The following MTF2 variants were observed in gnomAD, a reference collection of about 807,000 sequenced individuals.
MTF2 encodes the protein metal response element binding transcription factor 2.
MTF2 carries 11 observed loss-of-function variants against 79.5 expected under a neutral mutation model. The observed-to-expected ratio is 0.14, with a 90% CI of 0.09 to 0.23. The LOEUF is 0.23. MTF2 is among the 10% of genes least tolerant of loss of function. The probability of loss-of-function intolerance (pLI) is 1.00; values close to 1 mark genes in which losing one functional copy is unlikely to be tolerated. For synonymous variants in MTF2, 208 were observed against 232.8 expected (o/e 0.89, Z 0.97); for missense variants, 486 against 711.2 (o/e 0.68, Z 3.60).
chr1:93,087,400 C>A (rs1333473088), intron 1 of MTF2, among the ~76,000 whole-genome samples: 1 of 152,130 alleles, frequency 6.6e-6, no homozygotes, highest in Non-Finnish European at 1.5e-5. Context: ...GGTAAAACCC[C>A]ATCTCTACTA....
At chr1:93,114,646 T>C (rs777677097) in intron 3 of MTF2, 42 bp from the exon 4 acceptor site, 3 of 1,510,992 alleles carry the variant, frequency 2.0e-6, no homozygotes, top group Middle Eastern at 1.8e-4. Flanking sequence ...TTTTATGGAA[T>C]TTTTTATGAC....
intron 1 of MTF2, among the ~76,000 whole-genome samples, chr1:93,081,467 G>A (rs1201410257): frequency 2.6e-5 from 4 of 152,194 alleles, no homozygotes; most frequent in Non-Finnish European, 5.9e-5. Flanking sequence ...ACCAACATCT[G>A]TAGCTTGATG....
chr1:93,137,203 T>A lies in MTF2; in HGVS notation c.*176T>A. ...CCTGTCAATGTTATGGATATTGTCA[T>A]AAAAAGGTATCTTTTAAAAATCAGA... On this transcript the variant is annotated 3_prime_UTR_variant, in exon 15 of 15. Transcript: ENST00000370298. 2.1e-6 allele frequency: 1 copy of A among 481,738 alleles called. No homozygotes were observed. 29.8% of individuals were successfully genotyped at this position (481,738 alleles called of 1,614,324 possible).
chr1:93,102,609 C>G (rs1461087974), intron 1 of MTF2, among the ~76,000 whole-genome samples: 1 of 151,458 alleles, frequency 6.6e-6, no homozygotes, highest in African/African-American at 2.4e-5. Context: ...AAATTGTTAA[C>G]AAACCTATGA....
intron 1 of MTF2, among the ~76,000 whole-genome samples, chr1:93,087,666 G>T (rs2815424): frequency 0.8 from 122,022 of 152,076 alleles, 51,671 homozygotes; most frequent in East Asian, 0.93. Flanking sequence ...TCATTCACCA[G>T]TTGCTAAATC....
chr1:93,088,067 C>G (rs1197496987), intron 1 of MTF2, among the ~76,000 whole-genome samples: 1 of 152,052 alleles, frequency 6.6e-6, no homozygotes, highest in African/African-American at 2.4e-5. Flanking sequence ...TTTTAAAACT[C>G]TAGGGTATAG....
chr1:93,129,483 AG>A, intron 11 of MTF2, 35 bp downstream of exon 11: 7 of 1,434,706 alleles, frequency 4.9e-6, no homozygotes, highest in Non-Finnish European at 6.5e-6. Flanking sequence ...TTTTCTCTTT[AG>A]CTTATTTGTA....
At chr1:93,123,260 C>T (rs1656560311) in intron 9 of MTF2, among the ~76,000 whole-genome samples, 3 of 101,866 alleles carry the variant, frequency 2.9e-5, no homozygotes, top group South Asian at 3.1e-4. Context: ...GTCTCTCTCT[C>T]TCTTTTTTTT....
intron 1 of MTF2, among the ~76,000 whole-genome samples, chr1:93,095,655 C>CTTTTT (rs111973268): frequency 1.7e-5 from 2 of 118,746 alleles, no homozygotes. Context: ...TTTCTCTGTT[C>CTTTTT]TTTTTTTTTT....
intron 3 of MTF2, among the ~76,000 whole-genome samples, chr1:93,114,252 C>T (rs1237046053): frequency 6.6e-6 from 1 of 152,104 alleles, no homozygotes; most frequent in Admixed American, 6.5e-5. Flanking sequence ...TACTTATCTT[C>T]CTTACTTTTT....
intron 8 of MTF2, 87 bp from the exon 9 acceptor site, chr1:93,120,460 ATT>A (rs1278296466): frequency 9.6e-6 from 12 of 1,247,498 alleles, no homozygotes; most frequent in Non-Finnish European, 1.3e-5. Context: ...TTCTCTTTGC[ATT>A]TTAATTACTG....
intron 1 of MTF2, among the ~76,000 whole-genome samples, chr1:93,080,273 A>C (rs1175208794): frequency 6.6e-6 from 1 of 152,208 alleles, no homozygotes; most frequent in Non-Finnish European, 1.5e-5. Flanking sequence ...TGAGGTAATT[A>C]CGGCTCAAGG....
chr1:93,079,286 C>T lies in MTF2; in HGVS notation c.-241C>T, dbSNP rs1654492853. On this transcript the variant is annotated 5_prime_UTR_variant, in exon 1 of 15. Transcript: ENST00000370298. ...CGCGCTCCCAGAATGCACCGGCAGT[C>T]CGCGGGAAACCAAAATGGCGAGGGG... The T allele has an allele frequency of 3.6e-6, 2 of 554,998 alleles. No individual in the cohort carries two copies. 34.4% of individuals were successfully genotyped at this position (554,998 alleles called of 1,614,324 possible). A position where few individuals can be genotyped will look rare whatever the true frequency, so the allele number is the denominator to read the frequency against.
chr1:93,098,521 A>C (rs922387469), intron 1 of MTF2, among the ~76,000 whole-genome samples: 1 of 152,206 alleles, frequency 6.6e-6, no homozygotes, highest in East Asian at 1.9e-4. Flanking sequence ...CATTGAGTTT[A>C]AATACAATAA....
At chr1:93,122,744 A>C (rs1409645571) in intron 9 of MTF2, among the ~76,000 whole-genome samples, 1 of 152,178 alleles carries the variant, frequency 6.6e-6, no homozygotes. Context: ...TAGATGAGAC[A>C]TCTCATTCAC....
chr1:93,123,336 T>G (rs1407061521), intron 9 of MTF2, among the ~76,000 whole-genome samples: 1 of 151,404 alleles, frequency 6.6e-6, no homozygotes, highest in African/African-American at 2.4e-5. Flanking sequence ...ACTGAAGCCT[T>G]GAACTCCTGA....
In MTF2 at chr1:93,129,352, C is replaced by A. The variant is rs1217369650; in HGVS notation, c.1064C>A (p.Pro355Gln). 1.3e-6 allele frequency: 2 copies of A among 1,595,414 alleles called. No individual in the cohort carries two copies. The highest frequency in any genetic ancestry group is 1.7e-6 in the Non-Finnish European group (2 of 1,167,380). ...GLRIRVPPVPPNVAFKAEKEP... is the reference protein window; with the variant it reads ...GLRIRVPPVPQNVAFKAEKEP... The stretch of plus-strand genomic sequence containing the variant: ...CGAATTCGTGTTCCTCCTGTGCCAC[C>A]AAATGTGGCTTTCAAAGCAGAGAAA... Residue 355 changes from proline (P) to glutamine (Q), a missense_variant, in exon 11 of 15, where the codon CCA becomes CAA. Coordinates refer to ENST00000370298, the MANE Select transcript of MTF2 (RefSeq NM_007358.4).
At chr1:93,121,697 G>C in intron 9 of MTF2, 2 of 953,456 alleles carry the variant, frequency 2.1e-6, no homozygotes, top group Non-Finnish European at 2.5e-6. Flanking sequence ...TTGAATGTTA[G>C]ATATTGGATT....
At chr1:93,122,047 C>T (rs934947614) in intron 9 of MTF2, among the ~76,000 whole-genome samples, 1 of 152,120 alleles carries the variant, frequency 6.6e-6, no homozygotes, top group Non-Finnish European at 1.5e-5. Context: ...AGTGATCCGC[C>T]CACCTTGGCC....
Sources: gnomAD v4.1 joint callset for allele counts (sites outside exome capture counted in the v4.1 genomes callset) on GRCh38, gnomAD v4.1.1 for gene constraint, MANE v1.5 for transcripts, NCBI Gene and HGNC (gene_info 2026-07-23, HGNC 2026-07-21) for gene names.